Variants in HENMT1 observed in about 807,000 individuals in gnomAD.
The protein encoded by HENMT1 is HEN methyltransferase 1, also known as small RNA 2'-O-methyltransferase.
In HENMT1, 27 loss-of-function variants were observed where a neutral mutation model predicts 31.1. The ratio of observed to expected loss-of-function variants is 0.87; its 90% CI spans 0.64 to 1.20. The LOEUF is 1.20. Ranked by LOEUF, HENMT1 falls within the 50% of genes most tolerant of loss-of-function variation. The pLI is 0.00. For missense variants in HENMT1, 438 were observed against 469.6 expected, an observed-to-expected ratio of 0.93 and a Z score of 0.62; for synonymous variants, 167 against 172.2, an observed-to-expected ratio of 0.97 and a Z score of 0.24.
At position 108,651,123 on chromosome 1, in the gene HENMT1, G is replaced by T. The variant is rs758355003; in HGVS notation, c.485C>A (p.Thr162Lys). The change falls in exon 6 of 8, where the codon ACA (threonine) becomes AAA (lysine). Residue 162 changes from threonine to lysine, a missense_variant. Coordinates refer to ENST00000651461, the MANE Select transcript of HENMT1 (RefSeq NM_001102592.2). ...CAGGGGATTGAATTCAGAGTTTGGT[G>T]TGCTGATGACAATCATGGATGGAGA... is the stretch of plus-strand genomic sequence containing the variant. ...YLSPSMIVIS[T>K]PNSEFNPLFP... is the part of the protein sequence containing the mutation. 1.2e-6 allele frequency: 2 copies of T among 1,613,706 alleles called. No individual in the cohort carries two copies. Among genetic ancestry groups the T allele is most frequent in the Non-Finnish European group, 1.7e-6 (2 of 1,179,746 alleles).
intron 1 of HENMT1, among the ~76,000 whole-genome samples, chr1:108,660,224 T>C (rs774254860): frequency 6.6e-6 from 1 of 151,796 alleles, no homozygotes; most frequent in African/African-American, 2.4e-5. Flanking sequence ...AAATGTGGAC[T>C]ACCATTTAAT....
intron 2 of HENMT1, among the ~76,000 whole-genome samples, chr1:108,658,130 TATA>T (rs1658321301): frequency 6.9e-6 from 1 of 144,434 alleles, no homozygotes; most frequent in African/African-American, 2.8e-5. Context: ...TATATATATA[TATA>T]TTTTTTTTTT....
intron 1 of HENMT1, among the ~76,000 whole-genome samples, 179 bp from the exon 2 acceptor site, chr1:108,660,141 C>G (rs892451192): frequency 1.1e-4 from 13 of 117,406 alleles, no homozygotes; most frequent in African/African-American, 4.1e-4. Context: ...AAAAAAAACA[C>G]GAAAGCAGGA....
chr1:108,660,795 G>C lies in HENMT1; in HGVS notation c.-79+168C>G, dbSNP rs1007823444. On this transcript the variant is annotated intron_variant, in intron 1 of 7. Transcript: ENST00000651461. ...AAAAATTAGCCGGGCGTAGTGGCGG[G>C]CGCCTGTAGTCCCAGCTACTTGGGA... Among the ~76,000 whole-genome samples, 1,373 of 151,094 alleles carry C rather than the reference G, an allele frequency of 9.1e-3. 50 individuals are homozygous for C. Among genetic ancestry groups the C allele is most frequent in the Admixed American group, 0.08 (1,225 of 15,224 alleles).
rs1006029416 is a variant in HENMT1 at position 108,657,651 on chromosome 1, A to G, written c.22-72T>C. On this transcript the variant is annotated intron_variant, in intron 2 of 7. Transcript: ENST00000651461. ...TTCAGAAATTAAATAAGGGGCAAAAAAAAAAAAACTTTATTTCCCCCAATC... is the reference window on the plus strand; with the variant it reads ...TTCAGAAATTAAATAAGGGGCAAAAGAAAAAAAACTTTATTTCCCCCAATC... 1.0e-4 allele frequency: 150 copies of G among 1,457,778 alleles called. 1 individual carries two copies. Among genetic ancestry groups the G allele is most frequent in the Non-Finnish European group, 1.3e-4 (144 of 1,073,568 alleles). 90.3% of individuals were successfully genotyped at this position (1,457,778 alleles called of 1,614,324 possible).
intron 7 of HENMT1, 108 bp downstream of exon 7, chr1:108,650,103 G>T (rs1364735315): frequency 3.1e-6 from 3 of 982,104 alleles, no homozygotes; most frequent in Non-Finnish European, 4.9e-6. Flanking sequence ...GAACCACAAA[G>T]CAAGGTCATT....
chr1:108,656,318 A>G (rs1232477114), intron 3 of HENMT1, among the ~76,000 whole-genome samples: 1 of 152,190 alleles, frequency 6.6e-6, no homozygotes, highest in African/African-American at 2.4e-5. Context: ...AGGAATCTTC[A>G]CTGAGTCTTC....
chr1:108,649,396 T>C, intron 7 of HENMT1: 1 of 457,832 alleles, frequency 2.2e-6, no homozygotes, highest in South Asian at 1.5e-5. Context: ...AGGATGGAAG[T>C]TCAAGACCAG....
Position 108,661,082 on chromosome 1 carries a change from G to A in HENMT1, c.-198C>T, listed in dbSNP as rs891501037. ...CCGCCAGCGTCCTCAACTCAGCGCC[G>A]CCCTGACGCCCGCGCACGCACGGCC... On this transcript the variant is annotated 5_prime_UTR_variant, in exon 1 of 8. Coordinates refer to ENST00000651461, the MANE Select transcript of HENMT1 (RefSeq NM_001102592.2). 14 of 788,010 alleles carry A rather than the reference G, an allele frequency of 1.8e-5. No homozygotes were observed. The highest frequency in any genetic ancestry group is 1.5e-5 in the Non-Finnish European group (10 of 650,092). 48.8% of individuals were successfully genotyped at this position (788,010 alleles called of 1,614,324 possible). A position where few individuals can be genotyped will look rare whatever the true frequency, so the allele number is the denominator to read the frequency against.
chr1:108,658,554 C>T (rs1039931961), intron 2 of HENMT1, among the ~76,000 whole-genome samples: 1 of 152,310 alleles, frequency 6.6e-6, no homozygotes, highest in Non-Finnish European at 1.5e-5. Flanking sequence ...TAGGAACATT[C>T]CAACACACCA....
intron 5 of HENMT1, among the ~76,000 whole-genome samples, chr1:108,654,155 T>C (rs1042523169): frequency 2.0e-5 from 3 of 152,224 alleles, no homozygotes; most frequent in African/African-American, 7.2e-5. Context: ...TTTGCCAATG[T>C]ATGTTCTTGG....
chr1:108,648,845 G>A lies in HENMT1; in HGVS notation c.903C>T (p.Pro301=), dbSNP rs1329939594. 2 of 1,614,154 alleles carry A rather than the reference G, an allele frequency of 1.2e-6. No homozygotes were observed. Among genetic ancestry groups the A allele is most frequent in the South Asian group, 2.2e-5 (2 of 91,078 alleles). Residue 301 remains proline (P), a synonymous_variant, in exon 8 of 8, where the codon CCC becomes CCT. Transcript: ENST00000651461. ...GGGCCTTTGAGCCACCAATGTCTTT[G>A]GGCTTATCACCCCGTTCCCCAGCCT... ...KEQAGERGDK[P]KDIGGSKAPV... is the part of the protein sequence containing the mutation.
chr1:108,655,574 A>G lies in HENMT1; in HGVS notation c.263+12T>C. 1 of 1,426,228 alleles carries G rather than the reference A, an allele frequency of 7.0e-7. No homozygotes were observed. Among genetic ancestry groups the G allele is most frequent in the East Asian group, 2.3e-5 (1 of 43,154 alleles). The allele number at this position is 1,426,228 out of a possible 1,614,324, so 88.3% of individuals were successfully genotyped here. A position where few individuals can be genotyped will look rare whatever the true frequency, so the allele number is the denominator to read the frequency against. On this transcript the variant is annotated intron_variant, in intron 4 of 7. Coordinates refer to ENST00000651461, the MANE Select transcript of HENMT1 (RefSeq NM_001102592.2). ...AGATTAACGCATAATTCTTTCAGAA[A>G]CTAAGTATTACCCTCTCCATCGTAA...
intron 5 of HENMT1, 124 bp downstream of exon 5, chr1:108,654,592 C>T (rs1339002901): frequency 2.2e-6 from 2 of 903,450 alleles, no homozygotes; most frequent in Non-Finnish European, 3.2e-6. Context: ...AAAAGATATT[C>T]CCAACCAATG....
At chr1:108,660,131 A>AAAAAC (rs1553184071) in intron 1 of HENMT1, among the ~76,000 whole-genome samples, 169 bp from the exon 2 acceptor site, 1,661 of 151,478 alleles carry the variant, frequency 0.011, 27 homozygotes, top group African/African-American at 0.039. Context: ...CAAAAAAAAA[A>AAAAAC]AAAAAAACAC....
chr1:108,660,860 C>T (rs999656842), intron 1 of HENMT1, 103 bp downstream of exon 1: 9 of 418,028 alleles, frequency 2.2e-5, no homozygotes, highest in African/African-American at 2.0e-4. Flanking sequence ...GGAGGCGGAG[C>T]TTGCAGTGAG....
chr1:108,660,315 T>C (rs753220684), intron 1 of HENMT1, among the ~76,000 whole-genome samples: 52 of 152,144 alleles, frequency 3.4e-4, no homozygotes, highest in South Asian at 8.3e-4. Context: ...CAAACCCTAC[T>C]AAGAGCGAAA....
At chr1:108,659,181 T>C (rs1222648649) in intron 2 of HENMT1, among the ~76,000 whole-genome samples, 2 of 152,202 alleles carry the variant, frequency 1.3e-5, no homozygotes, top group Non-Finnish European at 2.9e-5. Context: ...AAACTTTACA[T>C]TTAAAATATA....
intron 6 of HENMT1, 140 bp downstream of exon 6, chr1:108,650,890 A>ATACT: frequency 1.5e-6 from 1 of 658,140 alleles, no homozygotes; most frequent in African/African-American, 1.8e-5. Context: ...ATCTTATTAC[A>ATACT]TACTAAGTCA....
Sources: allele counts gnomAD v4.1 joint callset (sites outside exome capture counted in the v4.1 genomes callset), GRCh38; gene constraint gnomAD v4.1.1; transcripts MANE v1.5; gene names NCBI Gene and HGNC (gene_info 2026-07-23, HGNC 2026-07-21).